Variants in STRN3 observed in about 807,000 individuals in gnomAD.
The protein encoded by STRN3 is striatin-3.
Under a neutral mutation model 95.6 loss-of-function variants are expected in STRN3, and 29 were observed. The observed-to-expected ratio is 0.30, with a 90% CI of 0.23 to 0.41. The LOEUF (loss-of-function observed/expected upper bound fraction) is 0.41, where lower values mean the gene tolerates loss of function less well. Among genes scored for constraint, STRN3 ranks in the 10% least tolerant of loss-of-function variants. STRN3 has a pLI of 1.00. For synonymous variants in STRN3, 331 were observed against 357.6 expected, an observed-to-expected ratio of 0.93 and a Z score of 0.84; for missense variants, 890 against 972.1, an observed-to-expected ratio of 0.92 and a Z score of 1.12.
chr14:30,991,167 C>T (rs1881935906), intron 1 of STRN3, among the ~76,000 whole-genome samples: 1 of 152,090 alleles, frequency 6.6e-6, no homozygotes. Context: ...GTTTGAAGTT[C>T]CTACTATTAA....
intron 1 of STRN3, among the ~76,000 whole-genome samples, chr14:30,984,143 C>G (rs1187520314): frequency 2.0e-4 from 28 of 138,832 alleles, no homozygotes; most frequent in African/African-American, 6.6e-4. Context: ...CCCAACCCCC[C>G]CCCACACACA....
intron 8 of STRN3, among the ~76,000 whole-genome samples, chr14:30,927,369 T>TA (rs971708002): frequency 5.3e-5 from 8 of 150,862 alleles, no homozygotes; most frequent in Admixed American, 2.6e-4. Flanking sequence ...TTTTTTTAAT[T>TA]AAAAAAAAAA....
At chr14:30,954,084 G>A (rs1406014486) in intron 3 of STRN3, among the ~76,000 whole-genome samples, 1 of 152,038 alleles carries the variant, frequency 6.6e-6, no homozygotes, top group East Asian at 1.9e-4. Flanking sequence ...AGCCATTCTG[G>A]TCAGTGTCTA....
chr14:30,914,469 C>T (rs1255890869), intron 9 of STRN3, among the ~76,000 whole-genome samples: 3 of 152,132 alleles, frequency 2.0e-5, no homozygotes, highest in Admixed American at 2.0e-4. Context: ...TCTCCTGTCT[C>T]GGTCTCCCAA....
At chr14:31,017,759 T>C (rs1011057022) in intron 1 of STRN3, among the ~76,000 whole-genome samples, 6 of 152,030 alleles carry the variant, frequency 3.9e-5, no homozygotes, top group South Asian at 2.1e-4. Flanking sequence ...GGGCAGTGAG[T>C]GTATACACAC....
intron 3 of STRN3, among the ~76,000 whole-genome samples, chr14:30,954,167 T>TA (rs1879790009): frequency 6.6e-6 from 1 of 152,212 alleles, no homozygotes; most frequent in Non-Finnish European, 1.5e-5. Context: ...TTCATATATT[T>TA]ATTGGCCATT....
chr14:31,019,641 A>G (rs564498988), intron 1 of STRN3, among the ~76,000 whole-genome samples: 1 of 152,196 alleles, frequency 6.6e-6, no homozygotes, highest in Non-Finnish European at 1.5e-5. Flanking sequence ...AGAAACAAAA[A>G]GCACAGATTG....
chr14:30,962,674 AC>A (rs1880268696), intron 1 of STRN3, among the ~76,000 whole-genome samples: 2 of 152,216 alleles, frequency 1.3e-5, no homozygotes, highest in South Asian at 4.1e-4. Flanking sequence ...AGCTGGAACT[AC>A]AAGCACCTAC....
chr14:31,001,474 T>G (rs1271547771), intron 1 of STRN3, among the ~76,000 whole-genome samples: 1 of 151,816 alleles, frequency 6.6e-6, no homozygotes, highest in East Asian at 1.9e-4. Flanking sequence ...AGATCAAGGT[T>G]GTAATGAGCT....
intron 7 of STRN3, among the ~76,000 whole-genome samples, chr14:30,929,979 A>AAAACAAAAAAAAAAAAC (rs1566441550): frequency 6.8e-6 from 1 of 147,386 alleles, no homozygotes. Context: ...AAAAAAAAAA[A>AAAACAAAAAAAAAAAAC]CTCAAATTCC....
chr14:30,977,276 T>A (rs1159842351), intron 1 of STRN3, among the ~76,000 whole-genome samples: 1 of 151,950 alleles, frequency 6.6e-6, no homozygotes, highest in African/African-American at 2.4e-5. Context: ...ACCAACAATT[T>A]AGCTTCCATC....
At chr14:30,899,819 C>A (rs1257983579) in intron 16 of STRN3, among the ~76,000 whole-genome samples, 1 of 151,254 alleles carries the variant, frequency 6.6e-6, no homozygotes, top group Non-Finnish European at 1.5e-5. Context: ...ATGATAGTAT[C>A]CAGTGCAGTA....
At chr14:30,945,425 G>A (rs1879313757) in intron 5 of STRN3, among the ~76,000 whole-genome samples, 1 of 152,010 alleles carries the variant, frequency 6.6e-6, no homozygotes, top group Non-Finnish European at 1.5e-5. Flanking sequence ...CAAGACCTGG[G>A]CAACATAGCA....
chr14:30,951,745 A>G (rs1053476919), intron 3 of STRN3, among the ~76,000 whole-genome samples: 3 of 152,144 alleles, frequency 2.0e-5, no homozygotes, highest in Non-Finnish European at 4.4e-5. Context: ...CTAAAATTAA[A>G]CCAGAAAATA....
chr14:30,931,111 C>G (rs1258387286), intron 7 of STRN3, among the ~76,000 whole-genome samples: 1 of 151,844 alleles, frequency 6.6e-6, no homozygotes. Flanking sequence ...AAAGGATAAG[C>G]TTAAGGAAAA....
chr14:30,928,650 C>T (rs1442543201), intron 8 of STRN3, among the ~76,000 whole-genome samples: 1 of 152,144 alleles, frequency 6.6e-6, no homozygotes, highest in Non-Finnish European at 1.5e-5. Flanking sequence ...AACCCTACTG[C>T]CACCACTAAC....
chr14:30,898,765 T>C (rs1376887932), intron 16 of STRN3, among the ~76,000 whole-genome samples: 1 of 152,230 alleles, frequency 6.6e-6, no homozygotes, highest in Admixed American at 6.5e-5. Context: ...TTTTTTCCTC[T>C]TATGACTAAG....
chr14:30,922,445 G>A (rs559002050), intron 8 of STRN3, among the ~76,000 whole-genome samples: 4 of 152,236 alleles, frequency 2.6e-5, no homozygotes, highest in Admixed American at 1.3e-4. Flanking sequence ...ATTATGCCAC[G>A]TGTAAGCCAA....
At chr14:30,985,377 G>A (rs1881635735) in intron 1 of STRN3, among the ~76,000 whole-genome samples, 1 of 151,876 alleles carries the variant, frequency 6.6e-6, no homozygotes, top group Admixed American at 6.6e-5. Context: ...GCCGAGGCAG[G>A]TGGATGACCT....
Sources: gnomAD v4.1 joint callset for allele counts (sites outside exome capture counted in the v4.1 genomes callset) on GRCh38, gnomAD v4.1.1 for gene constraint, MANE v1.5 for transcripts, NCBI Gene and HGNC (gene_info 2026-07-23, HGNC 2026-07-21) for gene names.